Variants in GPR20 observed in about 807,000 individuals in gnomAD.
The protein encoded by GPR20 is G protein-coupled receptor 20.
For missense variants in GPR20, 494 were observed against 527.4 expected, an observed-to-expected ratio of 0.94 and a Z score of 0.62; for synonymous variants, 241 against 241.9, an observed-to-expected ratio of 1.00 and a Z score of 0.04.
intron 1 of GPR20, among the ~76,000 whole-genome samples, chr8:141,358,246 G>A (rs1356607466): frequency 6.6e-6 from 1 of 152,258 alleles, no homozygotes; most frequent in African/African-American, 2.4e-5. Context: ...CTGGCACGAG[G>A]GGGAGGCGGA....
Position 141,356,955 on chromosome 8 carries a change from A to AC in GPR20, c.968dup (p.Asp324Ter), listed in dbSNP as rs1165636631. 2.7e-5 allele frequency: 43 copies of AC among 1,612,958 alleles called. No homozygotes were observed. The highest frequency in any genetic ancestry group is 3.6e-5 in the Non-Finnish European group (42 of 1,180,000). On this transcript the variant is annotated frameshift_variant, in exon 2 of 2. Transcript: ENST00000377741. LOFTEE classifies it low-confidence loss of function (END_TRUNC). ...AGCTCCTGTGCATGCTGACCACGTC[A>AC]CCGCTGCTGGGCTCACGCTCTCCGT... is the stretch of plus-strand genomic sequence containing the variant.
At chr8:141,361,683 T>G (rs1017525199) in intron 1 of GPR20, among the ~76,000 whole-genome samples, 17 of 152,228 alleles carry the variant, frequency 1.1e-4, no homozygotes, top group African/African-American at 3.4e-4. Context: ...GGGTCCTCTC[T>G]GAGCCTCAGT....
intron 1 of GPR20, 32 bp from the exon 2 acceptor site, chr8:141,357,979 G>T (rs114285612): frequency 1.8e-6 from 2 of 1,112,416 alleles, no homozygotes; most frequent in African/African-American, 1.6e-5. Context: ...CACCCCAGGC[G>T]CCAGCCTGGC....
Position 141,357,009 on chromosome 8 carries a change from C to G in GPR20, c.915G>C (p.Gln305His). The change falls in exon 2 of 2, where the codon CAG becomes CAC. Residue 305 changes from glutamine (Q) to histidine (H), a missense_variant. Coordinates refer to ENST00000377741, the MANE Select transcript of GPR20 (RefSeq NM_005293.3). ...IVYCFVTSGFQATVRGLFGQH... is the reference protein window; with the variant it reads ...IVYCFVTSGFHATVRGLFGQH... ...GGCCGAAGAGGCCTCGGACGGTGGC[C>G]TGGAAGCCACTGGTGACGAAGCAGT... 6.2e-7 allele frequency: 1 copy of G among 1,613,068 alleles called. No homozygotes were observed. Among genetic ancestry groups the G allele is most frequent in the Non-Finnish European group, 8.5e-7 (1 of 1,179,872 alleles).
At chr8:141,358,196 C>T (rs1375537490) in intron 1 of GPR20, among the ~76,000 whole-genome samples, 2 of 152,250 alleles carry the variant, frequency 1.3e-5, no homozygotes, top group East Asian at 1.9e-4. Context: ...CACTTGCCAG[C>T]GTGGAGACTC....
rs901736337 is a variant in GPR20, at chr8:141,356,915, G to A, written c.1009C>T (p.Arg337Cys). ...GGGCCGGCACTGAGGATGTGATGAC[G>A]GCCTGAGCCCTTGGAGCTCCTGTGC... is the stretch of plus-strand genomic sequence containing the variant. ...SMHRSSKGSG[R>C]HHILSAGPHA... Residue 337 changes from arginine to cysteine, a missense_variant, in exon 2 of 2, where the codon CGT becomes TGT. Physicochemically the swap from Arg to Cys is radical, Grantham distance 180. Transcript: ENST00000377741. The A allele has an allele frequency of 9.3e-6, 15 of 1,611,816 alleles. No individual in the cohort carries two copies. Among genetic ancestry groups the A allele is most frequent in the East Asian group, 4.5e-5 (2 of 44,860 alleles).
chr8:141,357,149 C>A lies in GPR20; in HGVS notation c.775G>T (p.Ala259Ser). The A allele has an allele frequency of 1.9e-6, 3 of 1,609,406 alleles. No homozygotes were observed. The highest frequency in any genetic ancestry group is 2.2e-5 in the South Asian group (2 of 90,982). ...IFLVCFTPFH[A>S]RQVAVALWPD... ...CACAGCGCCACGGCCACTTGGCGGG[C>A]GTGGAAGGGCGTGAAGCAGACGAGA... The change falls in exon 2 of 2, where the codon GCC (alanine) becomes TCC (serine). Residue 259 changes from alanine to serine, a missense_variant. Ala to Ser is a moderately conservative substitution (Grantham distance 99). Coordinates refer to ENST00000377741, the MANE Select transcript of GPR20 (RefSeq NM_005293.3).
chr8:141,358,163 G>A (rs1301993770), intron 1 of GPR20, among the ~76,000 whole-genome samples: 1 of 152,254 alleles, frequency 6.6e-6, no homozygotes, highest in East Asian at 1.9e-4. Flanking sequence ...AGAGTCAGAC[G>A]CGTGTTCAAA....
intron 1 of GPR20, among the ~76,000 whole-genome samples, chr8:141,359,129 G>T (rs935126395): frequency 1.3e-5 from 2 of 152,070 alleles, no homozygotes; most frequent in Admixed American, 6.5e-5. Flanking sequence ...GGGGAGGCTC[G>T]TGGGCCGTTT....
rs147668269 is a variant in GPR20 at position 141,357,601 on chromosome 8, G to A, written c.323C>T (p.Thr108Met). Residue 108 changes from threonine to methionine, a missense_variant, in exon 2 of 2, where the codon ACG (threonine) becomes ATG (methionine). Transcript: ENST00000377741. ...GGCGCCGTAGTACACAGCGAAGCGC[G>A]TGGGCAGGGACAGCCCTACCAGTAG... Reference protein sequence around the residue: ...TDLLVGLSLPTRFAVYYGARG... With the variant: ...TDLLVGLSLPMRFAVYYGARG... 189 of 1,613,970 alleles carry A rather than the reference G, an allele frequency of 1.2e-4. No homozygotes were observed. The African/African-American group carries it at 2.3e-3, about 19-fold the overall frequency.
intron 1 of GPR20, among the ~76,000 whole-genome samples, chr8:141,364,547 C>T (rs1831786071): frequency 6.6e-6 from 1 of 152,204 alleles, no homozygotes; most frequent in Non-Finnish European, 1.5e-5. Flanking sequence ...CAGGCCAGGG[C>T]TCCCTCCACC....
chr8:141,363,823 A>G (rs544851169), intron 1 of GPR20, among the ~76,000 whole-genome samples: 1 of 152,312 alleles, frequency 6.6e-6, no homozygotes, highest in East Asian at 1.9e-4. Context: ...CAGGCAGCAG[A>G]GTGGCCCCGG....
intron 1 of GPR20, among the ~76,000 whole-genome samples, chr8:141,360,218 A>C (rs1462499743): frequency 6.6e-6 from 1 of 152,204 alleles, no homozygotes; most frequent in East Asian, 1.9e-4. Context: ...GCATGCTCTG[A>C]TTCCCCGCAC....
At chr8:141,366,214 G>A (rs1237428157) in intron 1 of GPR20, among the ~76,000 whole-genome samples, 1 of 152,240 alleles carries the variant, frequency 6.6e-6, no homozygotes, top group Non-Finnish European at 1.5e-5. Context: ...CACACCGTGT[G>A]GCTCAGAGAG....
chr8:141,360,938 C>T (rs1586510059), intron 1 of GPR20, among the ~76,000 whole-genome samples: 1 of 152,226 alleles, frequency 6.6e-6, no homozygotes, highest in Middle Eastern at 3.2e-3. Flanking sequence ...TGGTTTTACC[C>T]TCAGAGCCGG....
In GPR20 at chr8:141,357,859, G is replaced by T. The variant is rs1226377201; in HGVS notation, c.65C>A (p.Thr22Lys). The change falls in exon 2 of 2, where the codon ACA becomes AAA. Residue 22 changes from threonine (T) to lysine (K), a missense_variant. Physicochemically the swap from Thr to Lys is moderately conservative, Grantham distance 78. Coordinates refer to ENST00000377741, the MANE Select transcript of GPR20 (RefSeq NM_005293.3). ...CAGCCCGCTGGCATTGGTCCGCACT[G>T]TTGTCACTGCGGTGGCATTGGGGAC... ...GAVPNATAVT[T>K]VRTNASGLEV... 4 of 1,611,276 alleles carry T rather than the reference G, an allele frequency of 2.5e-6. No homozygotes were observed. Among genetic ancestry groups the T allele is most frequent in the Non-Finnish European group, 3.4e-6 (4 of 1,178,892 alleles).
chr8:141,365,491 C>T (rs913601967), intron 1 of GPR20, among the ~76,000 whole-genome samples: 45 of 152,242 alleles, frequency 3.0e-4, no homozygotes, highest in Admixed American at 7.2e-4. Context: ...GCCACACAGC[C>T]CCGTGCAGTT....
chr8:141,360,922 G>A (rs1405066431), intron 1 of GPR20, among the ~76,000 whole-genome samples: 1 of 152,216 alleles, frequency 6.6e-6, no homozygotes, highest in Non-Finnish European at 1.5e-5. Context: ...ACTGAGGGGA[G>A]AGGCATGGTT....
intron 1 of GPR20, among the ~76,000 whole-genome samples, chr8:141,361,714 A>G (rs1221316532): frequency 6.6e-6 from 1 of 152,146 alleles, no homozygotes. Context: ...GTGAAGTGGG[A>G]ATGGCCGGAC....
Sources: allele counts gnomAD v4.1 joint callset (sites outside exome capture counted in the v4.1 genomes callset), GRCh38; gene constraint gnomAD v4.1.1; transcripts MANE v1.5; gene names NCBI Gene and HGNC (gene_info 2026-07-23, HGNC 2026-07-21).